Variants in DAAM2 observed in about 807,000 individuals in gnomAD.
DAAM2 encodes dishevelled associated activator of morphogenesis 2, also known as disheveled-associated activator of morphogenesis 2.
In DAAM2, 39 loss-of-function variants were observed where a neutral mutation model predicts 120.7. The observed-to-expected ratio is 0.32, with a 90% CI of 0.25 to 0.42. DAAM2 has a LOEUF of 0.42. DAAM2 is among the 10% of genes least tolerant of loss of function. The probability of loss-of-function intolerance (pLI) is 1.00; values close to 1 mark genes in which losing one functional copy is unlikely to be tolerated. For synonymous variants in DAAM2, 488 were observed against 524.9 expected (o/e 0.93, Z 0.96); for missense variants, 1,283 against 1,401.7 (o/e 0.92, Z 1.35).
intron 1 of DAAM2, among the ~76,000 whole-genome samples, chr6:39,818,269 A>G (rs1762373767): frequency 6.6e-6 from 1 of 151,802 alleles, no homozygotes; most frequent in African/African-American, 2.4e-5. Flanking sequence ...AACTTGACAC[A>G]TAAAATTAAC....
intron 5 of DAAM2, among the ~76,000 whole-genome samples, chr6:39,866,063 C>T (rs1049111175): frequency 2.6e-5 from 4 of 152,174 alleles, no homozygotes; most frequent in Non-Finnish European, 5.9e-5. Flanking sequence ...CCATCCATTG[C>T]ATGGGGATGT....
chr6:39,846,201 C>T (rs780863921), intron 1 of DAAM2, among the ~76,000 whole-genome samples: 1 of 152,102 alleles, frequency 6.6e-6, no homozygotes, highest in East Asian at 1.9e-4. Context: ...GATGAGTTTA[C>T]CTGCACGTAC....
intron 17 of DAAM2, among the ~76,000 whole-genome samples, chr6:39,889,735 A>G (rs1765591905): frequency 6.6e-6 from 1 of 152,242 alleles, no homozygotes; most frequent in African/African-American, 2.4e-5. Context: ...TACTGATAAG[A>G]TAAACAACCA....
chr6:39,896,762 G>A (rs1404086050), intron 19 of DAAM2, 50 bp from the exon 20 acceptor site: 3 of 1,470,556 alleles, frequency 2.0e-6, no homozygotes, highest in East Asian at 4.9e-5. Context: ...AATGAGAACT[G>A]CTGCCCTGCC....
chr6:39,860,940 C>G lies in DAAM2; in HGVS notation c.181C>G (p.Leu61Val), dbSNP rs1764184522. ...RFAELVDELD[L>V]TDKNREAMFA... Reference sequence around the variant, plus strand: ...ATTGTCTTTGCAGGATGAATTGGATCTCACTGACAAAAACCGAGAGGCTAT... The same window carrying G: ...ATTGTCTTTGCAGGATGAATTGGATGTCACTGACAAAAACCGAGAGGCTAT... Residue 61 changes from leucine (L) to valine (V), a missense_variant, in exon 3 of 25, where the codon CTC becomes GTC. This residue lies in a region of DAAM2 where 197 missense variants were observed against 189.3 expected (regional missense o/e 1.04). Transcript: ENST00000274867. 1 of 1,612,688 alleles carries G rather than the reference C, an allele frequency of 6.2e-7. No homozygotes were observed. The highest frequency in any genetic ancestry group is 1.7e-5 in the Admixed American group (1 of 59,902).
Position 39,878,313 on chromosome 6 carries a change from C to A in DAAM2, c.1360+52C>A. 1 of 1,612,156 alleles carries A rather than the reference C, an allele frequency of 6.2e-7. No individual in the cohort carries two copies. The highest frequency in any genetic ancestry group is 8.5e-7 in the Non-Finnish European group (1 of 1,178,676). On this transcript the variant is annotated intron_variant, in intron 12 of 24. Coordinates refer to ENST00000274867, the MANE Select transcript of DAAM2 (RefSeq NM_001201427.2). This position sits in a 1 kb window ranked among gnomAD's most constrained non-coding sequence, Gnocchi z 5.0. The stretch of plus-strand genomic sequence containing the variant: ...TCCACTCCACATGCCCTTCCCCTGC[C>A]CAGCCCATAACTCCATGCCCTTCCA...
chr6:39,898,736 A>G lies in DAAM2; in HGVS notation c.2619-141A>G, dbSNP rs763367554. On this transcript the variant is annotated intron_variant, in intron 21 of 24. Coordinates refer to ENST00000274867, the MANE Select transcript of DAAM2 (RefSeq NM_001201427.2). ...GAGGTGCTTTGTCAGGGCCAACATC[A>G]ATGGCCACACCAGGGCTGGAACCCA... 433 of 719,094 alleles carry G rather than the reference A, an allele frequency of 6.0e-4. 1 individual carries two copies. The highest frequency in any genetic ancestry group is 1.9e-3 in the Middle Eastern group (7 of 3,744). 44.5% of individuals were successfully genotyped at this position (719,094 alleles called of 1,614,324 possible).
At chr6:39,827,203 A>C (rs1342461595) in intron 1 of DAAM2, among the ~76,000 whole-genome samples, 1 of 152,200 alleles carries the variant, frequency 6.6e-6, no homozygotes, top group Non-Finnish European at 1.5e-5. Context: ...GGTTCTAGAC[A>C]TGGCTGTGGC....
chr6:39,799,776 T>C (rs1761806420), intron 1 of DAAM2, among the ~76,000 whole-genome samples: 1 of 152,246 alleles, frequency 6.6e-6, no homozygotes, highest in South Asian at 2.1e-4. Flanking sequence ...TGAATTAATA[T>C]CATGCAAAGA....
At chr6:39,803,172 A>C (rs1182571245) in intron 1 of DAAM2, among the ~76,000 whole-genome samples, 1 of 152,254 alleles carries the variant, frequency 6.6e-6, no homozygotes, top group African/African-American at 2.4e-5. Context: ...AGGTGAACAC[A>C]TGAATGCGTT....
Position 39,871,582 on chromosome 6 carries a change from C to T in DAAM2, c.1044+10C>T, listed in dbSNP as rs1764664949. Reference sequence around the variant, plus strand: ...CAGGAGGTTTGACATGGTGAGGAGCCAGCAGGGTGGAGCGATTGCAATGGG... The same window carrying T: ...CAGGAGGTTTGACATGGTGAGGAGCTAGCAGGGTGGAGCGATTGCAATGGG... On this transcript the variant is annotated intron_variant, in intron 9 of 24. Transcript: ENST00000274867. 1 of 1,549,464 alleles carries T rather than the reference C, an allele frequency of 6.5e-7. No individual in the cohort carries two copies. The highest frequency in any genetic ancestry group is 1.4e-5 in the African/African-American group (1 of 72,918).
At chr6:39,800,730 T>C (rs1761837420) in intron 1 of DAAM2, among the ~76,000 whole-genome samples, 1 of 152,218 alleles carries the variant, frequency 6.6e-6, no homozygotes, top group South Asian at 2.1e-4. Flanking sequence ...TGTGACTACC[T>C]GGCCCCTCTG....
chr6:39,806,872 G>A (rs536943740), intron 1 of DAAM2, among the ~76,000 whole-genome samples: 6 of 146,398 alleles, frequency 4.1e-5, no homozygotes, highest in African/African-American at 1.5e-4. Context: ...AAAAAATCAT[G>A]CTCATCATAC....
At chr6:39,880,492 A>G (rs1482748459) in intron 14 of DAAM2, among the ~76,000 whole-genome samples, 1 of 152,234 alleles carries the variant, frequency 6.6e-6, no homozygotes. Flanking sequence ...GATGGATAGT[A>G]ATAAAATGAC....
Position 39,793,372 on chromosome 6 carries a change from G to A in DAAM2, c.-57+907G>A, listed in dbSNP as rs141521327. Among the ~76,000 whole-genome samples the A allele has an allele frequency of 1.6e-4, 25 of 151,916 alleles. No individual in the cohort carries two copies. In the East Asian group the frequency reaches 4.7e-3, roughly 28 times the overall value. On this transcript the variant is annotated intron_variant, in intron 1 of 24. Coordinates refer to ENST00000274867, the MANE Select transcript of DAAM2 (RefSeq NM_001201427.2). The stretch of plus-strand genomic sequence containing the variant: ...TGAGCTGTGGGGTGGAGGAAGGGGG[G>A]CGGTGGGGGAGAGGGAGATTTTTAT...
intron 1 of DAAM2, among the ~76,000 whole-genome samples, chr6:39,804,505 A>G (rs1761953530): frequency 6.8e-6 from 1 of 147,938 alleles, no homozygotes; most frequent in Non-Finnish European, 1.5e-5. Context: ...GCACTGGTCC[A>G]GAAAGAGAGA....
chr6:39,855,268 T>C (rs1763954865), intron 1 of DAAM2, among the ~76,000 whole-genome samples: 2 of 152,180 alleles, frequency 1.3e-5, no homozygotes, highest in Non-Finnish European at 1.5e-5. Flanking sequence ...TTGGATTGAA[T>C]TGATCTAGAG....
intron 1 of DAAM2, among the ~76,000 whole-genome samples, chr6:39,815,232 T>A (rs1762273492): frequency 6.6e-6 from 1 of 152,188 alleles, no homozygotes; most frequent in African/African-American, 2.4e-5. Flanking sequence ...TAAGTGGTGG[T>A]GGCTTATATT....
At chr6:39,884,101 C>T (rs1012335179) in intron 15 of DAAM2, 32 bp downstream of exon 15, 3 of 1,217,392 alleles carry the variant, frequency 2.5e-6, no homozygotes, top group Non-Finnish European at 3.6e-6. Flanking sequence ...CCTCTTGGAC[C>T]ATACCCTTGA....
Sources: allele counts gnomAD v4.1 joint callset (sites outside exome capture counted in the v4.1 genomes callset), GRCh38; gene constraint gnomAD v4.1.1; regional missense constraint gnomAD v4.1.1; non-coding constraint Gnocchi (gnomAD v3.1); transcripts MANE v1.5; gene names NCBI Gene and HGNC (gene_info 2026-07-23, HGNC 2026-07-21).